GLS: variants seen among roughly 807,000 people sequenced by gnomAD.
GLS encodes glutaminase kidney isoform, mitochondrial.
A neutral mutation model predicts 86.7 loss-of-function variants in GLS; 36 were observed. That is an observed-to-expected ratio of 0.42 (90% CI 0.32 to 0.55). The LOEUF (loss-of-function observed/expected upper bound fraction) is 0.55, where lower values mean the gene tolerates loss of function less well. GLS is among the 20% of genes least tolerant of loss of function. The pLI, the probability that GLS is intolerant of heterozygous loss-of-function variation, is 0.17. For missense variants in GLS, 528 were observed against 833.4 expected (o/e 0.63, Z 4.51); for synonymous variants, 317 against 305.9 (o/e 1.04, Z -0.38).
At chr2:190,950,125 C>G (rs1046451484) in intron 14 of GLS, among the ~76,000 whole-genome samples, 1 of 151,852 alleles carries the variant, frequency 6.6e-6, no homozygotes, top group Admixed American at 6.6e-5. Context: ...AGGGAGCCTC[C>G]TGACAGCCTG....
chr2:190,963,043 T>TGAA lies in GLS; in HGVS notation c.*61_*63dup. 2.5e-6 allele frequency: 3 copies of TGAA among 1,223,072 alleles called. No homozygotes were observed. The highest frequency in any genetic ancestry group is 3.5e-6 in the Non-Finnish European group (3 of 862,428). The allele number at this position is 1,223,072 out of a possible 1,614,324, so 75.8% of individuals were successfully genotyped here. ...CCTATTTAATTGTGGAAAATGATTA[T>TGAA]GAAGAACATGTGTATTTCTATCTGG... is the stretch of plus-strand genomic sequence containing the variant. On this transcript the variant is annotated 3_prime_UTR_variant, in exon 18 of 18. Coordinates refer to ENST00000320717, the MANE Select transcript of GLS (RefSeq NM_014905.5).
At position 190,943,341 on chromosome 2, in the gene GLS, A is replaced by G. The variant is rs921810531; in HGVS notation, c.1651-10224A>G. Among the ~76,000 whole-genome samples, 3 of 152,128 alleles carry G rather than the reference A, an allele frequency of 2.0e-5. No individual in the cohort carries two copies. Among genetic ancestry groups the G allele is most frequent in the African/African-American group, 7.2e-5 (3 of 41,448 alleles). Reference sequence around the variant, plus strand: ...ATTTGAAGCTGGGGTGGTGTGTGAGATTGCTTAAGGTGATAGTATAAAGTG... The same window carrying G: ...ATTTGAAGCTGGGGTGGTGTGTGAGGTTGCTTAAGGTGATAGTATAAAGTG... On this transcript the variant is annotated intron_variant, in intron 14 of 17. Transcript: ENST00000320717. The surrounding 1 kb of genome is among the most constrained non-coding windows in gnomAD (Gnocchi z 4.5).
chr2:190,922,479 G>A (rs1558982378), intron 9 of GLS, among the ~76,000 whole-genome samples: 1 of 151,922 alleles, frequency 6.6e-6, no homozygotes, highest in South Asian at 2.1e-4. Flanking sequence ...GTGCTCTTCT[G>A]TTACCATATT....
intron 7 of GLS, among the ~76,000 whole-genome samples, chr2:190,911,766 T>G (rs2124871212): frequency 6.6e-6 from 1 of 152,212 alleles, no homozygotes; most frequent in South Asian, 2.1e-4. Context: ...CCAAAAGTGT[T>G]TCTTCCCAGA....
intron 7 of GLS, among the ~76,000 whole-genome samples, chr2:190,917,169 C>T (rs1178912751): frequency 6.6e-6 from 1 of 152,248 alleles, no homozygotes; most frequent in Non-Finnish European, 1.5e-5. Flanking sequence ...TCCTCCAAAA[C>T]TCTGCCACTG....
rs1365004761 is a variant in GLS, at chr2:190,881,453, G to C, written c.369G>C (p.Leu123=). Residue 123 remains leucine, a synonymous_variant, in exon 1 of 18, where the codon CTG becomes CTC. Coordinates refer to ENST00000320717, the MANE Select transcript of GLS (RefSeq NM_014905.5). ...TTGGCAACAGCGAGGGCAAAGAGCT[G>C]GTGGCCTCAGGTGAAAAGTGAGTGT... The part of the protein sequence containing the change: ...DAFGNSEGKE[L]VASGENKIKQ... 1.9e-6 allele frequency: 3 copies of C among 1,541,732 alleles called. No homozygotes were observed. Among genetic ancestry groups the C allele is most frequent in the Non-Finnish European group, 2.6e-6 (3 of 1,143,262 alleles).
At chr2:190,918,597 T>G (rs1056011347) in intron 7 of GLS, among the ~76,000 whole-genome samples, 5 of 152,180 alleles carry the variant, frequency 3.3e-5, no homozygotes, top group African/African-American at 1.2e-4. Context: ...GAAGTTCCAT[T>G]TTTAATTTCC....
intron 12 of GLS, among the ~76,000 whole-genome samples, chr2:190,928,814 A>G (rs1002499420): frequency 7.3e-6 from 1 of 137,432 alleles, no homozygotes; most frequent in Admixed American, 7.8e-5. Context: ...ACAGTTTTCC[A>G]CTGTCTCTAC....
chr2:190,934,151 GA>G (rs1690196053), intron 14 of GLS: 1 of 983,454 alleles, frequency 1.0e-6, no homozygotes, highest in African/African-American at 1.7e-5. Flanking sequence ...TTTAGTGGGG[GA>G]TTAGAAGAAA....
intron 5 of GLS, 38 bp downstream of exon 5, chr2:190,902,064 C>A (rs760786883): frequency 4.1e-6 from 5 of 1,208,578 alleles, no homozygotes; most frequent in East Asian, 2.3e-5. Flanking sequence ...CAACTCTAAG[C>A]CTTAACTTTT....
chr2:190,943,705 T>C lies in GLS; in HGVS notation c.1651-9860T>C, dbSNP rs1040429989. Among the ~76,000 whole-genome samples the C allele has an allele frequency of 6.6e-6, 1 of 152,170 alleles. No homozygotes were observed. The highest frequency in any genetic ancestry group is 2.4e-5 in the African/African-American group (1 of 41,438). On this transcript the variant is annotated intron_variant, in intron 14 of 17. Transcript: ENST00000320717. The surrounding 1 kb of genome is among the most constrained non-coding windows in gnomAD (Gnocchi z 4.5). The stretch of plus-strand genomic sequence containing the variant: ...GGAGGAGCCTGCTATGTAATTTGAA[T>C]AATAAAGTGGCTATGAAAGTGCTTT...
intron 7 of GLS, among the ~76,000 whole-genome samples, chr2:190,917,875 G>T (rs1326592835): frequency 6.6e-6 from 1 of 151,934 alleles, no homozygotes; most frequent in Non-Finnish European, 1.5e-5. Context: ...GATTGCTTGA[G>T]CCCAGGAGTT....
chr2:190,945,461 G>C (rs1690551829), intron 14 of GLS, among the ~76,000 whole-genome samples: 1 of 151,876 alleles, frequency 6.6e-6, no homozygotes. Flanking sequence ...AGTAGTTTGA[G>C]ACCAGCCTGG....
At chr2:190,927,682 AT>A in intron 12 of GLS, 200 bp downstream of exon 12, 1 of 469,570 alleles carries the variant, frequency 2.1e-6, no homozygotes, top group Non-Finnish European at 3.8e-6. Flanking sequence ...TGGAAGTTTG[AT>A]TTATAGAACC....
chr2:190,942,436 C>G (rs1236681828), intron 14 of GLS, among the ~76,000 whole-genome samples: 2 of 152,084 alleles, frequency 1.3e-5, no homozygotes, highest in Non-Finnish European at 2.9e-5. Context: ...AAATACTGCT[C>G]TGCGGAGAAT....
chr2:190,906,404 G>A (rs1311512984), intron 6 of GLS, among the ~76,000 whole-genome samples: 1 of 152,032 alleles, frequency 6.6e-6, no homozygotes, highest in Admixed American at 6.5e-5. Flanking sequence ...AACAAAATGG[G>A]CTTGGAGCAA....
chr2:190,929,848 A>G (rs921680230), intron 12 of GLS, among the ~76,000 whole-genome samples: 3 of 150,478 alleles, frequency 2.0e-5, no homozygotes, highest in African/African-American at 7.3e-5. Flanking sequence ...GTATGTATAT[A>G]TATATATTTT....
chr2:190,942,332 G>T (rs943666052), intron 14 of GLS, among the ~76,000 whole-genome samples: 19 of 151,706 alleles, frequency 1.3e-4, no homozygotes, highest in Non-Finnish European at 2.1e-4. Context: ...CGCCCGCCTC[G>T]GTCTCCCAAA....
intron 14 of GLS, chr2:190,933,526 T>C (rs943832493): frequency 3.2e-6 from 3 of 934,588 alleles, no homozygotes; most frequent in African/African-American, 3.6e-5. Context: ...AGAGTTGTTA[T>C]ATACAGGAGT....
Sources: gnomAD v4.1 joint callset for allele counts (sites outside exome capture counted in the v4.1 genomes callset) on GRCh38, gnomAD v4.1.1 for gene constraint, Gnocchi (gnomAD v3.1) non-coding constraint, MANE v1.5 for transcripts, NCBI Gene and HGNC (gene_info 2026-07-23, HGNC 2026-07-21) for gene names.